Variants in SLIT2 observed in about 807,000 individuals in gnomAD.
SLIT2 encodes the protein slit homolog 2 protein.
A neutral mutation model predicts 185.7 loss-of-function variants in SLIT2; 41 were observed. The ratio of observed to expected loss-of-function variants is 0.22; its 90% CI spans 0.17 to 0.29. The LOEUF is 0.29. SLIT2 is among the 10% of genes least tolerant of loss of function. The pLI is 1.00. For synonymous variants in SLIT2, 693 were observed against 680.2 expected (o/e 1.02, Z -0.29); for missense variants, 1,571 against 1,909.0 (o/e 0.82, Z 3.30).
chr4:20,507,067 G>A (rs28667291), intron 9 of SLIT2, among the ~76,000 whole-genome samples: 40,461 of 151,820 alleles, frequency 0.27, 5,488 homozygotes, highest in East Asian at 0.36. Context: ...GTGAAGATCA[G>A]GTCCTTGGTA....
intron 26 of SLIT2, among the ~76,000 whole-genome samples, chr4:20,556,839 A>T (rs577372498): frequency 7.9e-5 from 12 of 152,126 alleles, no homozygotes; most frequent in Non-Finnish European, 1.8e-4. Flanking sequence ...GTGAATACAA[A>T]GCAAAAGTTC....
intron 4 of SLIT2, among the ~76,000 whole-genome samples, chr4:20,439,274 G>A (rs1204338996): frequency 6.6e-6 from 1 of 152,124 alleles, no homozygotes; most frequent in Non-Finnish European, 1.5e-5. Flanking sequence ...CCATAACAAA[G>A]CACAATAAGC....
intron 9 of SLIT2, among the ~76,000 whole-genome samples, chr4:20,506,104 C>T (rs990762652): frequency 6.6e-6 from 1 of 151,924 alleles, no homozygotes; most frequent in Admixed American, 6.6e-5. Context: ...TGTAAACACA[C>T]AAACACATAC....
chr4:20,375,229 A>G (rs1263932790), intron 4 of SLIT2, among the ~76,000 whole-genome samples: 3 of 152,008 alleles, frequency 2.0e-5, no homozygotes, highest in Non-Finnish European at 4.4e-5. Context: ...CATCCACTGA[A>G]TAATTGTTGA....
intron 5 of SLIT2, among the ~76,000 whole-genome samples, chr4:20,470,606 C>G (rs375042755): frequency 6.6e-6 from 1 of 151,810 alleles, no homozygotes; most frequent in South Asian, 2.1e-4. Context: ...GACACAGTCT[C>G]GCTCTGTCAC....
chr4:20,336,776 G>A (rs1310235314), intron 4 of SLIT2, among the ~76,000 whole-genome samples: 2 of 152,210 alleles, frequency 1.3e-5, no homozygotes, highest in Admixed American at 6.5e-5. Flanking sequence ...TGTTCCAAGT[G>A]TGAGGGGCTG....
chr4:20,505,239 C>T (rs962321764), intron 9 of SLIT2, among the ~76,000 whole-genome samples: 1 of 151,964 alleles, frequency 6.6e-6, no homozygotes, highest in African/African-American at 2.4e-5. Context: ...AACTGAGACA[C>T]AGCGAAAGAA....
In SLIT2 at chr4:20,528,387, A is replaced by G; in HGVS notation, c.1463-562A>G. ...GGAACGTCACGCAGCTTTCTACAGC[A>G]TGACAAGCTGCTGAGGCTTAAATCA... On this transcript the variant is annotated intron_variant, in intron 15 of 36. Coordinates refer to ENST00000504154, the MANE Select transcript of SLIT2 (RefSeq NM_004787.4). This position sits in a 1 kb window ranked among gnomAD's most constrained non-coding sequence, Gnocchi z 4.2. 1 of 532,654 alleles carries G rather than the reference A, an allele frequency of 1.9e-6. No individual in the cohort carries two copies. Among genetic ancestry groups the G allele is most frequent in the South Asian group, 1.4e-5 (1 of 71,164 alleles). 33.0% of individuals were successfully genotyped at this position (532,654 alleles called of 1,614,324 possible). A position where few individuals can be genotyped will look rare whatever the true frequency, so the allele number is the denominator to read the frequency against.
chr4:20,293,591 A>AT (rs879433612), intron 4 of SLIT2, among the ~76,000 whole-genome samples: 7 of 152,140 alleles, frequency 4.6e-5, no homozygotes, highest in South Asian at 4.1e-4. Context: ...GAGCATTACT[A>AT]TTTTTTCAGG....
intron 4 of SLIT2, among the ~76,000 whole-genome samples, chr4:20,312,844 T>C (rs1240984508): frequency 6.6e-6 from 1 of 151,640 alleles, no homozygotes; most frequent in Non-Finnish European, 1.5e-5. Flanking sequence ...GATATTTTAG[T>C]CCTTCTTTAA....
chr4:20,356,916 G>A (rs1349336427), intron 4 of SLIT2, among the ~76,000 whole-genome samples: 2 of 152,088 alleles, frequency 1.3e-5, no homozygotes, highest in Admixed American at 6.6e-5. Flanking sequence ...TCTTGTAAAT[G>A]TAGAAAACAG....
At chr4:20,428,799 A>C (rs1401262317) in intron 4 of SLIT2, among the ~76,000 whole-genome samples, 1 of 152,164 alleles carries the variant, frequency 6.6e-6, no homozygotes, top group African/African-American at 2.4e-5. Context: ...ATGGAAGGGC[A>C]TTTGTACAGT....
intron 29 of SLIT2, among the ~76,000 whole-genome samples, chr4:20,571,621 A>G (rs2148920377): frequency 6.6e-6 from 1 of 152,282 alleles, no homozygotes; most frequent in Admixed American, 6.5e-5. Flanking sequence ...ATTTTCTTAT[A>G]ATGTGATTAT....
intron 4 of SLIT2, among the ~76,000 whole-genome samples, chr4:20,424,551 G>A (rs900289035): frequency 5.9e-5 from 9 of 151,880 alleles, no homozygotes; most frequent in East Asian, 1.9e-4. Flanking sequence ...TCTATTTGTC[G>A]TCTAATTTTT....
intron 9 of SLIT2, among the ~76,000 whole-genome samples, chr4:20,508,456 G>T (rs1040168112): frequency 2.2e-4 from 33 of 151,992 alleles, no homozygotes; most frequent in African/African-American, 8.0e-4. Context: ...TTCAACAGTG[G>T]AATATTATGA....
intron 32 of SLIT2, among the ~76,000 whole-genome samples, chr4:20,597,809 T>G (rs945802672): frequency 9.9e-5 from 15 of 152,160 alleles, no homozygotes; most frequent in Non-Finnish European, 1.6e-4. Flanking sequence ...AATTAATCCT[T>G]TAAAAGCCAA....
chr4:20,379,955 C>G (rs1034016917), intron 4 of SLIT2, among the ~76,000 whole-genome samples: 1 of 152,072 alleles, frequency 6.6e-6, no homozygotes. Context: ...GAGGAAGAAA[C>G]TACCTAGAGA....
intron 4 of SLIT2, among the ~76,000 whole-genome samples, chr4:20,421,023 C>T (rs1728132894): frequency 6.6e-6 from 1 of 152,084 alleles, no homozygotes; most frequent in Non-Finnish European, 1.5e-5. Flanking sequence ...CTGATGGCAT[C>T]CCTAGCAAGT....
chr4:20,551,005 T>C, intron 25 of SLIT2, 107 bp downstream of exon 25: 1 of 571,054 alleles, frequency 1.8e-6, no homozygotes, highest in Non-Finnish European at 3.1e-6. Flanking sequence ...AAGATGTAAT[T>C]GGTTTCATCT....
Sources: gnomAD v4.1 joint callset for allele counts (sites outside exome capture counted in the v4.1 genomes callset) on GRCh38, gnomAD v4.1.1 for gene constraint, Gnocchi (gnomAD v3.1) non-coding constraint, MANE v1.5 for transcripts, NCBI Gene and HGNC (gene_info 2026-07-23, HGNC 2026-07-21) for gene names.